The following FLNC variants were observed in gnomAD, a reference collection of about 807,000 sequenced individuals.
FLNC encodes the protein filamin C.
In FLNC, 91 loss-of-function variants were observed where a neutral mutation model predicts 254.3. The observed-to-expected ratio is 0.36, with a 90% CI of 0.30 to 0.43. The LOEUF (loss-of-function observed/expected upper bound fraction) is 0.43, where lower values mean the gene tolerates loss of function less well. FLNC is among the 20% of genes least tolerant of loss of function. The probability of loss-of-function intolerance (pLI) is 1.00; values close to 1 mark genes in which losing one functional copy is unlikely to be tolerated. For synonymous variants in FLNC, 1,430 were observed against 1,577.2 expected (o/e 0.91, Z 2.21); for missense variants, 2,853 against 3,802.6 (o/e 0.75, Z 6.57).
rs763488290 is a variant in FLNC at position 128,830,811 on chromosome 7, C to A, written c.174C>A (p.Thr58=). The part of the protein sequence containing the change: ...EHLKCVGKRL[T]DLQRDLSDGL... ...TCAAGTGCGTGGGCAAGCGCCTGAC[C>A]GACCTGCAGCGCGACCTCAGCGACG... The change falls in exon 1 of 48, where the codon ACC becomes ACA. Residue 58 remains threonine, a synonymous_variant. Transcript: ENST00000325888. The A allele has an allele frequency of 5.6e-6, 9 of 1,612,944 alleles. No homozygotes were observed. The highest frequency in any genetic ancestry group is 7.6e-6 in the Non-Finnish European group (9 of 1,179,924).
Position 128,851,122 on chromosome 7 carries a change from C to T in FLNC, c.5540-110C>T, listed in dbSNP as rs1395454953. 21 of 1,576,502 alleles carry T rather than the reference C, an allele frequency of 1.3e-5. 1 individual carries two copies. The highest frequency in any genetic ancestry group is 2.7e-5 in the African/African-American group (2 of 74,208). On this transcript the variant is annotated intron_variant, in intron 33 of 47. Coordinates refer to ENST00000325888, the MANE Select transcript of FLNC (RefSeq NM_001458.5). ...CAGACCTCCACCAGCTGGGTCCCTA[C>T]GGCACAGACGGAGGGGGTTGGCAGG...
Position 128,856,333 on chromosome 7 carries a change from A to G in FLNC, c.7252-185A>G, listed in dbSNP as rs1413269509. On this transcript the variant is annotated intron_variant, in intron 43 of 47. Transcript: ENST00000325888. The surrounding 1 kb of genome is among the most constrained non-coding windows in gnomAD (Gnocchi z 5.9). ...CAGCTAGGATAGCAGGTGCACACAT[A>G]GGGTTGCATACCGGACCCTGGCTCC... 6.6e-6 allele frequency among the ~76,000 whole-genome samples: 1 copy of G among 152,146 alleles called. No homozygotes were observed. Among genetic ancestry groups the G allele is most frequent in the Non-Finnish European group, 1.5e-5 (1 of 68,008 alleles).
intron 9 of FLNC, 33 bp downstream of exon 9, chr7:128,840,193 G>A (rs1253369391): frequency 3.1e-6 from 5 of 1,611,804 alleles, no homozygotes; most frequent in South Asian, 2.2e-5. Flanking sequence ...GTGAGGGTGG[G>A]GCTGGGGGAT....
At position 128,851,351 on chromosome 7, in the gene FLNC, G is replaced by A; in HGVS notation, c.5659G>A (p.Ala1887Thr). ...CACCTTCACTATTGTCACCAAAGATGCTGGAGAAGGTGAGGGAGCTGCAGG... is the reference window on the plus strand; with the variant it reads ...CACCTTCACTATTGTCACCAAAGATACTGGAGAAGGTGAGGGAGCTGCAGG... ...PATFTIVTKD[A>T]GEGGLSLAVE... Residue 1887 changes from alanine to threonine, a missense_variant, in exon 34 of 48, where the codon GCT becomes ACT. Physicochemically the swap from Ala to Thr is moderately conservative, Grantham distance 58 (BLOSUM62 0). This residue lies in a region of FLNC where 551 missense variants were observed against 835.0 expected (regional missense o/e 0.66). Coordinates refer to ENST00000325888, the MANE Select transcript of FLNC (RefSeq NM_001458.5). 1 of 1,614,156 alleles carries A rather than the reference G, an allele frequency of 6.2e-7. No individual in the cohort carries two copies. Among genetic ancestry groups the A allele is most frequent in the South Asian group, 1.1e-5 (1 of 91,086 alleles).
At position 128,850,481 on chromosome 7, in the gene FLNC, C is replaced by T. The variant is rs757213620; in HGVS notation, c.5396C>T (p.Thr1799Ile). The change falls in exon 32 of 48, where the codon ACA becomes ATA. Residue 1799 changes from threonine (T) to isoleucine (I), a missense_variant and splice_region_variant. Thr to Ile is a moderately conservative substitution (Grantham distance 89). Around this residue, in one of 10 missense-constraint regions of FLNC, gnomAD observed 258 missense variants for 312.3 expected, o/e 0.83. Transcript: ENST00000325888. ...TTCGCGGTGCAGAAAGGGGAGCTCACAGGTACTGCCCTGTGGCTCCCAGGC... is the reference window on the plus strand; with the variant it reads ...TTCGCGGTGCAGAAAGGGGAGCTCATAGGTACTGCCCTGTGGCTCCCAGGC... Reference protein sequence around the residue: ...IPFAVQKGELTGEVRMPSGKT... With the variant: ...IPFAVQKGELIGEVRMPSGKT... The T allele has an allele frequency of 8.7e-6, 14 of 1,611,156 alleles. No individual in the cohort carries two copies. The highest frequency in any genetic ancestry group is 1.0e-5 in the Non-Finnish European group (12 of 1,178,084).
At position 128,846,384 on chromosome 7, in the gene FLNC, C is replaced by T. The variant is rs754173899; in HGVS notation, c.4048C>T (p.Pro1350Ser). 1 of 1,612,026 alleles carries T rather than the reference C, an allele frequency of 6.2e-7. No homozygotes were observed. The highest frequency in any genetic ancestry group is 1.1e-5 in the South Asian group (1 of 91,082). ...FRVGVTEGCD[P>S]TRVRAFGPGL... Reference sequence around the variant, plus strand: ...AGTGGGCGTGACCGAGGGCTGTGATCCCACCCGCGTCCGAGCCTTCGGGCC... The same window carrying T: ...AGTGGGCGTGACCGAGGGCTGTGATTCCACCCGCGTCCGAGCCTTCGGGCC... Residue 1350 changes from proline to serine, a missense_variant, in exon 23 of 48, where the codon CCC becomes TCC. Physicochemically the swap from Pro to Ser is moderately conservative, Grantham distance 74 (BLOSUM62 -1). Transcript: ENST00000325888.
In FLNC at chr7:128,841,564, C is replaced by T; in HGVS notation, c.2118C>T (p.Ala706=). The change falls in exon 13 of 48, where the codon GCC becomes GCT. Residue 706 remains alanine (A), a synonymous_variant. Coordinates refer to ENST00000325888, the MANE Select transcript of FLNC (RefSeq NM_001458.5). This position sits in a 1 kb window ranked among gnomAD's most constrained non-coding sequence, Gnocchi z 4.3. ...GCAAGGGAGACCTGAAGCTCTATGC[C>T]CAGGTAGGTCATTGTCCAGTCTCTG... is the stretch of plus-strand genomic sequence containing the variant. ...AAGKGDLKLY[A]QDADGCPIDI... is the part of the protein sequence containing the mutation. 1.2e-6 allele frequency: 2 copies of T among 1,608,576 alleles called. No homozygotes were observed. Among genetic ancestry groups the T allele is most frequent in the Non-Finnish European group, 1.7e-6 (2 of 1,174,906 alleles).
In FLNC at chr7:128,837,765, G is replaced by T. The variant is rs953416778; in HGVS notation, c.969+10G>T. 4 of 1,561,872 alleles carry T rather than the reference G, an allele frequency of 2.6e-6. No individual in the cohort carries two copies. Among genetic ancestry groups the T allele is most frequent in the Non-Finnish European group, 3.5e-6 (4 of 1,152,850 alleles). On this transcript the variant is annotated intron_variant, in intron 5 of 47. Coordinates refer to ENST00000325888, the MANE Select transcript of FLNC (RefSeq NM_001458.5). ...AGGCCACACCGAGGAGGTATGCAGA[G>T]GCCGCTGGGGACAGAGGGATTCACT...
chr7:128,842,115 G>A lies in FLNC; in HGVS notation c.2122-116G>A, dbSNP rs1490743351. 9 of 1,096,638 alleles carry A rather than the reference G, an allele frequency of 8.2e-6. No homozygotes were observed. The highest frequency in any genetic ancestry group is 7.7e-5 in the East Asian group (3 of 38,762). The allele number at this position is 1,096,638 out of a possible 1,614,324, so 67.9% of individuals were successfully genotyped here. On this transcript the variant is annotated intron_variant, in intron 13 of 47. Coordinates refer to ENST00000325888, the MANE Select transcript of FLNC (RefSeq NM_001458.5). This position sits in a 1 kb window ranked among gnomAD's most constrained non-coding sequence, Gnocchi z 5.4. ...CTCTGGTGGCCTCAGTGGCTGGTGTGGGGGCGGGAGTGCCAGTGTTGGGGG... is the reference window on the plus strand; with the variant it reads ...CTCTGGTGGCCTCAGTGGCTGGTGTAGGGGCGGGAGTGCCAGTGTTGGGGG...
chr7:128,847,118 C>T (rs1471506461), intron 24 of FLNC, among the ~76,000 whole-genome samples: 1 of 152,254 alleles, frequency 6.6e-6, no homozygotes, highest in Admixed American at 6.5e-5. Flanking sequence ...ATCACAGGAA[C>T]ACACTCTGGC....
rs752723450 is a variant in FLNC, at chr7:128,843,955, G to A, written c.2929+42G>A. 3 of 1,614,080 alleles carry A rather than the reference G, an allele frequency of 1.9e-6. No individual in the cohort carries two copies. In the South Asian group the frequency reaches 3.3e-5, roughly 18 times the overall value. On this transcript the variant is annotated intron_variant, in intron 19 of 47. Coordinates refer to ENST00000325888, the MANE Select transcript of FLNC (RefSeq NM_001458.5). The stretch of plus-strand genomic sequence containing the variant: ...CCACCCTGGGAGTGAGGGGTATTCG[G>A]GTAGGGTGGACCGGAGTCTCCTCAT...
chr7:128,832,475 G>A (rs552843645), intron 1 of FLNC, among the ~76,000 whole-genome samples: 18 of 152,338 alleles, frequency 1.2e-4, no homozygotes, highest in African/African-American at 4.1e-4. Flanking sequence ...GGGAAGAGCC[G>A]GAGGCTTCGG....
In FLNC at chr7:128,846,127, G is replaced by A. The variant is rs767079356; in HGVS notation, c.3928G>A (p.Gly1310Ser). ...CACCTATGTGACAGACAATGGGGAC[G>A]GCACCTACCGAGTGCAGTACACCGC... ...TDTYVTDNGD[G>S]TYRVQYTAYE... is the part of the protein sequence containing the mutation. The change falls in exon 22 of 48, where the codon GGC becomes AGC. Residue 1310 changes from glycine to serine, a missense_variant. Transcript: ENST00000325888. 6.8e-6 allele frequency: 11 copies of A among 1,613,928 alleles called. No homozygotes were observed. The highest frequency in any genetic ancestry group is 4.5e-5 in the East Asian group (2 of 44,878).
At chr7:128,851,651 TACA>T (rs1808821396) in intron 35 of FLNC, 23 bp downstream of exon 35, 1 of 1,611,746 alleles carries the variant, frequency 6.2e-7, no homozygotes, top group African/African-American at 1.3e-5. Context: ...TATGGGCATG[TACA>T]GCCCATGAGG....
Position 128,848,005 on chromosome 7 carries a change from C to T in FLNC, c.4517C>T (p.Thr1506Ile). The T allele has an allele frequency of 1.2e-6, 2 of 1,609,136 alleles. No homozygotes were observed. ...NGDGTHTVHYTPATDGPYTVA... is the reference protein window; with the variant it reads ...NGDGTHTVHYIPATDGPYTVA... The stretch of plus-strand genomic sequence containing the variant: ...GATGGCACCCACACTGTCCACTACA[C>T]CCCAGCCACTGACGGGCCCTACACG... The change falls in exon 26 of 48, where the codon ACC (threonine) becomes ATC (isoleucine). Residue 1506 changes from threonine (T) to isoleucine (I), a missense_variant. By Grantham distance (89) the Thr-to-Ile change is moderately conservative (BLOSUM62 -1). Transcript: ENST00000325888.
In FLNC at chr7:128,837,386, T is replaced by C; in HGVS notation, c.700-12T>C. 6.2e-7 allele frequency: 1 copy of C among 1,614,068 alleles called. No individual in the cohort carries two copies. Among genetic ancestry groups the C allele is most frequent in the Non-Finnish European group, 8.5e-7 (1 of 1,180,004 alleles). ...AGAGGGCGCCATGTGACATCACTCC[T>C]TTCCATCGCAGGTCATTGCCCCTGA... is the stretch of plus-strand genomic sequence containing the variant. On this transcript the variant is annotated splice_polypyrimidine_tract_variant and intron_variant, in intron 3 of 47. Coordinates refer to ENST00000325888, the MANE Select transcript of FLNC (RefSeq NM_001458.5).
At chr7:128,843,683 G>A in intron 18 of FLNC, 106 bp downstream of exon 18, 1 of 1,499,280 alleles carries the variant, frequency 6.7e-7, no homozygotes, top group Non-Finnish European at 9.3e-7. Flanking sequence ...CGCCTTTCCT[G>A]CCTCCTGCCC....
chr7:128,838,139 G>A (rs1808176831), intron 6 of FLNC, 75 bp downstream of exon 6: 3 of 1,506,374 alleles, frequency 2.0e-6, no homozygotes, highest in Non-Finnish European at 2.8e-6. Flanking sequence ...CCCTCTCTCA[G>A]CCTGTACCTC....
intron 9 of FLNC, 60 bp from the exon 10 acceptor site, chr7:128,840,488 G>T: frequency 6.2e-7 from 1 of 1,612,086 alleles, no homozygotes; most frequent in South Asian, 1.1e-5. Context: ...GGGGATTGAG[G>T]AGCTGGGACT....
Sources: gnomAD v4.1 joint callset for allele counts (sites outside exome capture counted in the v4.1 genomes callset) on GRCh38, gnomAD v4.1.1 for gene constraint, gnomAD v4.1.1 regional missense constraint, Gnocchi (gnomAD v3.1) non-coding constraint, MANE v1.5 for transcripts, NCBI Gene and HGNC (gene_info 2026-07-23, HGNC 2026-07-21) for gene names.